The following PGR variants were observed in gnomAD, a reference collection of about 807,000 sequenced individuals.
PGR encodes the protein nuclear receptor subfamily 3 group C member 3.
Under a neutral mutation model 76.1 loss-of-function variants are expected in PGR, and 25 were observed. The ratio of observed to expected loss-of-function variants is 0.33; its 90% confidence interval spans 0.24 to 0.46. PGR has a LOEUF of 0.46. PGR is among the 20% of genes least tolerant of loss of function. The pLI is 1.00. For missense variants in PGR, 1,172 were observed against 1,225.3 expected (o/e 0.96, Z 0.65); for synonymous variants, 579 against 535.0 (o/e 1.08, Z -1.14).
At chr11:101,125,445 T>C (rs541782276) in intron 2 of PGR, among the ~76,000 whole-genome samples, 2 of 152,330 alleles carry the variant, frequency 1.3e-5, no homozygotes, top group Admixed American at 1.3e-4. Context: ...TACAAAAATA[T>C]ACTGAACAAA....
At chr11:101,117,314 G>A (rs1370282520) in intron 2 of PGR, among the ~76,000 whole-genome samples, 4 of 151,946 alleles carry the variant, frequency 2.6e-5, no homozygotes, top group Non-Finnish European at 5.9e-5. Flanking sequence ...TTTGTGAACT[G>A]TCTTAATATT....
intron 3 of PGR, among the ~76,000 whole-genome samples, chr11:101,083,846 C>T (rs1384265093): frequency 6.6e-6 from 1 of 152,092 alleles, no homozygotes; most frequent in African/African-American, 2.4e-5. Flanking sequence ...TCAGACGAGA[C>T]TTTGGTCTTG....
rs771435218 is a variant in PGR at position 101,128,839 on chromosome 11, G to C, written c.232C>G (p.Gln78Glu). 2 of 1,614,074 alleles carry C rather than the reference G, an allele frequency of 1.2e-6. No homozygotes were observed. The highest frequency in any genetic ancestry group is 2.7e-5 in the African/African-American group (2 of 74,962). Residue 78 changes from glutamine (Q) to glutamate (E), a missense_variant, in exon 1 of 8, where the codon CAG (glutamine) becomes GAG (glutamate). Gln to Glu is a conservative substitution (Grantham distance 29). This residue lies in a region of PGR where 893 missense variants were observed against 785.9 expected (regional missense o/e 1.14). Coordinates refer to ENST00000325455, the MANE Select transcript of PGR (RefSeq NM_000926.4). ...DPSDEKTQDQ[Q>E]SLSDVEGAYS... is the part of the protein sequence containing the mutation. ...GCGCCCTCCACGTCCGACAGCGACT[G>C]CTGGTCCTGCGTCTTTTCGTCGGAG...
intron 4 of PGR, among the ~76,000 whole-genome samples, chr11:101,057,331 A>G (rs537705767): frequency 2.0e-5 from 3 of 152,274 alleles, no homozygotes; most frequent in Admixed American, 6.5e-5. Flanking sequence ...GCAAGAGAAG[A>G]AGGCTAGAAT....
chr11:101,060,435 A>G (rs1189053923), intron 4 of PGR, among the ~76,000 whole-genome samples: 3 of 152,206 alleles, frequency 2.0e-5, no homozygotes, highest in African/African-American at 7.2e-5. Context: ...CCACTGTATA[A>G]TTATTAGATA....
intron 2 of PGR, among the ~76,000 whole-genome samples, chr11:101,098,491 G>T (rs1861904387): frequency 6.6e-6 from 1 of 152,152 alleles, no homozygotes; most frequent in African/African-American, 2.4e-5. Flanking sequence ...ACATGAGCTG[G>T]TCCATATGAG....
At chr11:101,082,855 T>C (rs1861356322) in intron 3 of PGR, among the ~76,000 whole-genome samples, 1 of 152,082 alleles carries the variant, frequency 6.6e-6, no homozygotes. Flanking sequence ...GGCCATGTGG[T>C]AGAAAAGAGA....
Position 101,033,725 on chromosome 11 carries a change from A to G in PGR, c.*5391T>C. The G allele has an allele frequency of 4.9e-6, 1 of 204,826 alleles. No homozygotes were observed. Among genetic ancestry groups the G allele is most frequent in the Non-Finnish European group, 1.0e-5 (1 of 100,082 alleles). 12.7% of individuals were successfully genotyped at this position (204,826 alleles called of 1,614,324 possible). A position where few individuals can be genotyped will look rare whatever the true frequency, so the allele number is the denominator to read the frequency against. On this transcript the variant is annotated 3_prime_UTR_variant, in exon 8 of 8. Transcript: ENST00000325455. ...GAAAATAAAAGGTATTTTTAGTGGCAAAAAGCTTGAAACCACTGCTGTCTA... is the reference window on the plus strand; with the variant it reads ...GAAAATAAAAGGTATTTTTAGTGGCGAAAAGCTTGAAACCACTGCTGTCTA...
chr11:101,119,176 C>T (rs1456479812), intron 2 of PGR, among the ~76,000 whole-genome samples: 1 of 152,214 alleles, frequency 6.6e-6, no homozygotes, highest in East Asian at 1.9e-4. Flanking sequence ...CGCTTGGCCA[C>T]TGCTCACCTC....
Position 101,036,073 on chromosome 11 carries a change from A to AG in PGR, c.*3042dup, listed in dbSNP as rs897700129. ...TCATCCAGCTAGTAAGTGGCAGAGA[A>AG]GGGGGGCACAGTCCTATGTCAGTTA... On this transcript the variant is annotated 3_prime_UTR_variant, in exon 8 of 8. Transcript: ENST00000325455. The AG allele has an allele frequency of 7.2e-5, 16 of 221,284 alleles. No homozygotes were observed. Among genetic ancestry groups the AG allele is most frequent in the African/African-American group, 3.4e-4 (15 of 44,644 alleles). The allele number at this position is 221,284 out of a possible 1,614,324, so 13.7% of individuals were successfully genotyped here.
intron 7 of PGR, chr11:101,041,729 C>T (rs1591365798): frequency 1.9e-6 from 1 of 531,976 alleles, no homozygotes; most frequent in Admixed American, 3.4e-5. Context: ...ATTACCCTCA[C>T]ATTATACAAA....
At chr11:101,052,719 T>C (rs1860140181) in intron 4 of PGR, among the ~76,000 whole-genome samples, 1 of 152,014 alleles carries the variant, frequency 6.6e-6, no homozygotes, top group South Asian at 2.1e-4. Context: ...AAGCCTGAAG[T>C]AAGTCAAGTC....
At chr11:101,076,542 T>C (rs1428643333) in intron 3 of PGR, among the ~76,000 whole-genome samples, 1 of 152,014 alleles carries the variant, frequency 6.6e-6, no homozygotes, top group Non-Finnish European at 1.5e-5. Flanking sequence ...ATATCATGCA[T>C]TGAAAAGATA....
rs1337352483 is a variant in PGR at position 101,036,404 on chromosome 11, T to C, written c.*2712A>G. On this transcript the variant is annotated 3_prime_UTR_variant, in exon 8 of 8. Transcript: ENST00000325455. ...TTTTCAAACCTTTTTACAGAAAATATTTTCATTAACTCAAGAATCTATTTC... is the reference window on the plus strand; with the variant it reads ...TTTTCAAACCTTTTTACAGAAAATACTTTCATTAACTCAAGAATCTATTTC... 4.9e-6 allele frequency: 1 copy of C among 203,938 alleles called. No individual in the cohort carries two copies. Among genetic ancestry groups the C allele is most frequent in the Non-Finnish European group, 1.0e-5 (1 of 99,554 alleles). 12.6% of individuals were successfully genotyped at this position (203,938 alleles called of 1,614,324 possible). A position where few individuals can be genotyped will look rare whatever the true frequency, so the allele number is the denominator to read the frequency against.
intron 2 of PGR, among the ~76,000 whole-genome samples, chr11:101,113,581 T>C (rs1862412238): frequency 6.6e-6 from 1 of 152,166 alleles, no homozygotes; most frequent in African/African-American, 2.4e-5. Context: ...ATATATCTTC[T>C]AAGTATCATA....
Position 101,036,975 on chromosome 11 carries a change from G to T in PGR, c.*2141C>A, listed in dbSNP as rs1456154123. 2.0e-5 allele frequency: 4 copies of T among 199,814 alleles called. No individual in the cohort carries two copies. The highest frequency in any genetic ancestry group is 1.2e-4 in the Admixed American group (2 of 16,546). The allele number at this position is 199,814 out of a possible 1,614,324, so 12.4% of individuals were successfully genotyped here. On this transcript the variant is annotated 3_prime_UTR_variant, in exon 8 of 8. Transcript: ENST00000325455. The stretch of plus-strand genomic sequence containing the variant: ...AATAATATTGTTTTTGTTTCTTGGG[G>T]TTTTTTTTGGATAGACCTACATTCA...
chr11:101,114,540 C>T (rs544866860), intron 2 of PGR, among the ~76,000 whole-genome samples: 45 of 152,240 alleles, frequency 3.0e-4, no homozygotes, highest in African/African-American at 1.1e-3. Flanking sequence ...CCTAGCTGTT[C>T]TCTCTGACTT....
At chr11:101,052,455 C>T (rs915620445) in intron 4 of PGR, among the ~76,000 whole-genome samples, 1 of 151,900 alleles carries the variant, frequency 6.6e-6, no homozygotes, top group Non-Finnish European at 1.5e-5. Flanking sequence ...CATGTCTTCC[C>T]AATTCTCAAG....
chr11:101,062,813 G>A (rs1009619396), intron 3 of PGR, 61 bp from the exon 4 acceptor site: 2 of 1,151,974 alleles, frequency 1.7e-6, no homozygotes, highest in Non-Finnish European at 2.5e-6. Flanking sequence ...TCCCAGTATA[G>A]TATTATTTTT....
Sources: gnomAD v4.1 joint callset for allele counts (sites outside exome capture counted in the v4.1 genomes callset) on GRCh38, gnomAD v4.1.1 for gene constraint, gnomAD v4.1.1 regional missense constraint, MANE v1.5 for transcripts, NCBI Gene and HGNC (gene_info 2026-07-23, HGNC 2026-07-21) for gene names.